CNPY1: variants seen among roughly 807,000 people sequenced by gnomAD.
CNPY1 encodes canopy FGF signaling regulator 1.
Under a neutral mutation model 14.4 loss-of-function variants are expected in CNPY1, and 14 were observed. The ratio of observed to expected loss-of-function variants is 0.97; its 90% CI spans 0.64 to 1.52. The LOEUF (loss-of-function observed/expected upper bound fraction) is 1.52. CNPY1 is among the 40% of genes most tolerant of loss of function. CNPY1 has a pLI of 0.00. For missense variants in CNPY1, 129 were observed against 131.5 expected (o/e 0.98, Z 0.09); for synonymous variants, 43 against 46.5 (o/e 0.92, Z 0.31).
At chr7:155,508,814 C>T in intron 3 of CNPY1, 80 bp downstream of exon 3, 1 of 1,446,334 alleles carries the variant, frequency 6.9e-7, no homozygotes, top group Non-Finnish European at 9.6e-7. Flanking sequence ...TCAACCACAA[C>T]AAGAGTAGAA....
At chr7:155,533,452 A>G (rs1585331692) in intron 2 of CNPY1, among the ~76,000 whole-genome samples, 1 of 152,294 alleles carries the variant, frequency 6.6e-6, no homozygotes, top group African/African-American at 2.4e-5. Context: ...CTGCACAGCC[A>G]CCTCGCCGCG....
In CNPY1 at chr7:155,532,356, C is replaced by A. The variant is rs1347461413; in HGVS notation, c.99+13475G>T. 2.7e-5 allele frequency among the ~76,000 whole-genome samples: 4 copies of A among 150,826 alleles called. No individual in the cohort carries two copies. The South Asian group carries it at 8.4e-4, about 32-fold the overall frequency. On this transcript the variant is annotated intron_variant, in intron 2 of 4. Transcript: ENST00000636446. ...ACCCCAGATGGGCCCGGGGCCGTGG[C>A]TCACGCTTGTACTCCCAGCACTTTG...
intron 4 of CNPY1, among the ~76,000 whole-genome samples, chr7:155,505,879 G>T (rs77469675): frequency 6.6e-6 from 1 of 152,056 alleles, no homozygotes; most frequent in Non-Finnish European, 1.5e-5. Context: ...TCCTGACTAC[G>T]TCGTCTCACT....
chr7:155,528,253 C>T (rs1796865913), intron 2 of CNPY1, among the ~76,000 whole-genome samples: 1 of 152,240 alleles, frequency 6.6e-6, no homozygotes, highest in South Asian at 2.1e-4. Flanking sequence ...ATTAAAACCT[C>T]TCCACCAGAG....
intron 4 of CNPY1, among the ~76,000 whole-genome samples, chr7:155,504,440 T>A (rs1796226035): frequency 6.6e-6 from 1 of 152,130 alleles, no homozygotes; most frequent in Non-Finnish European, 1.5e-5. Flanking sequence ...TGCCAGCATG[T>A]GATTATTATA....
intron 2 of CNPY1, among the ~76,000 whole-genome samples, chr7:155,534,367 GCA>G (rs571726656): frequency 2.7e-5 from 4 of 147,650 alleles, no homozygotes; most frequent in South Asian, 2.2e-4. Context: ...GTGCACACAG[GCA>G]CACACACGCA....
chr7:155,534,411 G>GC (rs1205599650), intron 2 of CNPY1, among the ~76,000 whole-genome samples: 1 of 152,130 alleles, frequency 6.6e-6, no homozygotes, highest in Non-Finnish European at 1.5e-5. Flanking sequence ...GTACACACGT[G>GC]CACAGACAAA....
At position 155,517,704 on chromosome 7, in the gene CNPY1, C is replaced by T. The variant is rs572333038; in HGVS notation, c.100-8607G>A. On this transcript the variant is annotated intron_variant, in intron 2 of 4. Coordinates refer to ENST00000636446, the MANE Select transcript of CNPY1 (RefSeq NM_001393663.1). ...AAGTGGGGGCACTGGGCTCGGGGTCCGCCCAAACACCTGAATGCTAGCCTG... is the reference window on the plus strand; with the variant it reads ...AAGTGGGGGCACTGGGCTCGGGGTCTGCCCAAACACCTGAATGCTAGCCTG... Among the ~76,000 whole-genome samples, 238 of 152,340 alleles carry T rather than the reference C, an allele frequency of 1.6e-3. 1 individual carries two copies. Among genetic ancestry groups the T allele is most frequent in the Middle Eastern group, 3.4e-3 (1 of 294 alleles).
chr7:155,514,053 G>A (rs1796572103), intron 2 of CNPY1, among the ~76,000 whole-genome samples: 1 of 152,218 alleles, frequency 6.6e-6, no homozygotes, highest in Non-Finnish European at 1.5e-5. Context: ...GCCCTCCGGT[G>A]GGCACCGCTC....
rs1241505292 is a variant in CNPY1 at position 155,521,071 on chromosome 7, G to GAAGC, written c.100-11975_100-11974insGCTT. Among the ~76,000 whole-genome samples, 206 of 128,330 alleles carry GAAGC rather than the reference G, an allele frequency of 1.6e-3. 1 individual carries two copies. Among genetic ancestry groups the GAAGC allele is most frequent in the African/African-American group, 7.3e-3 (200 of 27,266 alleles). The allele number at this position is 128,330 out of a possible 152,430, so 84.2% of individuals were successfully genotyped here. On this transcript the variant is annotated intron_variant, in intron 2 of 4. Coordinates refer to ENST00000636446, the MANE Select transcript of CNPY1 (RefSeq NM_001393663.1). ...AAAAAGAAAGAAGGAAGGAAGGAAG[G>GAAGC]AAGGAAGCAAGGAAGGAAGGAAGGA...
chr7:155,519,493 C>T lies in CNPY1; in HGVS notation c.100-10396G>A, dbSNP rs189300429. ...CCGACATCGCACCATTGCACTCCAG[C>T]CTGGGTGATGGAGCAAGACCCTGTC... On this transcript the variant is annotated intron_variant, in intron 2 of 4. Coordinates refer to ENST00000636446, the MANE Select transcript of CNPY1 (RefSeq NM_001393663.1). 9.7e-4 allele frequency among the ~76,000 whole-genome samples: 146 copies of T among 150,772 alleles called. 1 individual carries two copies. The highest frequency in any genetic ancestry group is 3.5e-3 in the African/African-American group (145 of 40,890).
chr7:155,535,330 C>T (rs1052809278), intron 2 of CNPY1, among the ~76,000 whole-genome samples: 1 of 152,192 alleles, frequency 6.6e-6, no homozygotes, highest in Non-Finnish European at 1.5e-5. Context: ...GCAGAAGCTT[C>T]AGGGGAGAGC....
At chr7:155,510,875 A>G (rs191988082) in intron 2 of CNPY1, among the ~76,000 whole-genome samples, 2 of 152,392 alleles carry the variant, frequency 1.3e-5, no homozygotes, top group Admixed American at 6.5e-5. Flanking sequence ...TGGAAAAACT[A>G]TAAAATGCAG....
At chr7:155,531,510 G>A (rs998920331) in intron 2 of CNPY1, among the ~76,000 whole-genome samples, 1 of 152,172 alleles carries the variant, frequency 6.6e-6, no homozygotes, top group African/African-American at 2.4e-5. Context: ...GCCTTCAACC[G>A]GCTGGTCCTG....
chr7:155,528,370 G>A (rs931344839), intron 2 of CNPY1, among the ~76,000 whole-genome samples: 15 of 152,276 alleles, frequency 9.9e-5, no homozygotes, highest in African/African-American at 3.1e-4. Context: ...TTCTGGGCAA[G>A]TGTGTTCACA....
chr7:155,543,766 A>T (rs1200965173), intron 2 of CNPY1, among the ~76,000 whole-genome samples: 1 of 152,190 alleles, frequency 6.6e-6, no homozygotes, highest in Non-Finnish European at 1.5e-5. Context: ...TTGCAGAGAG[A>T]AGTCTCCGTG....
chr7:155,509,242 G>A (rs878879466), intron 2 of CNPY1, 145 bp from the exon 3 acceptor site: 4 of 549,746 alleles, frequency 7.3e-6, no homozygotes, highest in Admixed American at 7.2e-5. Flanking sequence ...AGACGGTACC[G>A]CAGATTGTTA....
intron 3 of CNPY1, 107 bp downstream of exon 3, chr7:155,508,787 G>T: frequency 8.4e-7 from 1 of 1,192,096 alleles, no homozygotes; most frequent in Non-Finnish European, 1.2e-6. Context: ...GCATTTTGAT[G>T]TTCCATGTCT....
intron 2 of CNPY1, among the ~76,000 whole-genome samples, chr7:155,531,491 C>T (rs947543932): frequency 2.6e-5 from 4 of 152,148 alleles, no homozygotes; most frequent in Non-Finnish European, 5.9e-5. Flanking sequence ...TGGTGTTGGA[C>T]GCCGCCAAGC....
Sources: allele counts gnomAD v4.1 joint callset (sites outside exome capture counted in the v4.1 genomes callset), GRCh38; gene constraint gnomAD v4.1.1; transcripts MANE v1.5; gene names NCBI Gene and HGNC (gene_info 2026-07-23, HGNC 2026-07-21).